SUV39H2: variants seen among roughly 807,000 people sequenced by gnomAD.
The protein encoded by SUV39H2 is SUV39H2 histone lysine methyltransferase, also known as histone-lysine N-methyltransferase SUV39H2.
Under a neutral mutation model 47.5 loss-of-function variants are expected in SUV39H2, and 10 were observed. That is an observed-to-expected ratio of 0.21 (90% CI 0.13 to 0.36). The LOEUF is 0.36. SUV39H2 is among the 10% of genes least tolerant of loss of function. The pLI is 1.00. For missense variants in SUV39H2, 266 were observed against 487.4 expected, an observed-to-expected ratio of 0.55 and a Z score of 4.28; for synonymous variants, 159 against 166.8, an observed-to-expected ratio of 0.95 and a Z score of 0.36.
chr10:14,900,060 A>G (rs1179847344), intron 4 of SUV39H2, among the ~76,000 whole-genome samples: 1 of 152,250 alleles, frequency 6.6e-6, no homozygotes, highest in Non-Finnish European at 1.5e-5. Flanking sequence ...ACTACATTTT[A>G]GGATGTACAA....
intron 2 of SUV39H2, among the ~76,000 whole-genome samples, chr10:14,889,850 C>T (rs1833331336): frequency 6.6e-6 from 1 of 152,162 alleles, no homozygotes; most frequent in African/African-American, 2.4e-5. Flanking sequence ...AGTCTCAATG[C>T]AAGGTGATTT....
At chr10:14,899,737 T>G in intron 4 of SUV39H2, 52 bp downstream of exon 4, 1 of 1,578,928 alleles carries the variant, frequency 6.3e-7, no homozygotes, top group Non-Finnish European at 8.6e-7. Context: ...AACCTAGTAC[T>G]AGTTTCCATA....
intron 2 of SUV39H2, among the ~76,000 whole-genome samples, chr10:14,882,941 C>T (rs1459095072): frequency 1.3e-5 from 2 of 151,472 alleles, no homozygotes; most frequent in African/African-American, 4.9e-5. Flanking sequence ...GATCTCAGCT[C>T]ACTGCAACCT....
At position 14,902,617 on chromosome 10, in the gene SUV39H2, T is replaced by A; in HGVS notation, c.*105T>A. 1.4e-6 allele frequency: 1 copy of A among 700,944 alleles called. No homozygotes were observed. The highest frequency in any genetic ancestry group is 2.2e-6 in the Non-Finnish European group (1 of 448,568). 43.4% of individuals were successfully genotyped at this position (700,944 alleles called of 1,614,324 possible). A position where few individuals can be genotyped will look rare whatever the true frequency, so the allele number is the denominator to read the frequency against. ...CTTATTATCAAGGTTCTACCTATGTTAATTTACAATTCATGTTTCAAGACA... is the reference window on the plus strand; with the variant it reads ...CTTATTATCAAGGTTCTACCTATGTAAATTTACAATTCATGTTTCAAGACA... On this transcript the variant is annotated 3_prime_UTR_variant, in exon 6 of 6. Transcript: ENST00000354919.
chr10:14,897,974 T>C (rs1833705570), intron 3 of SUV39H2: 1 of 152,076 alleles, frequency 6.6e-6, no homozygotes. Context: ...TTTTGTAAAA[T>C]ATACACAAGC....
intron 2 of SUV39H2, among the ~76,000 whole-genome samples, chr10:14,892,324 G>A (rs189726559): frequency 1.7e-3 from 259 of 152,268 alleles, no homozygotes; most frequent in Middle Eastern, 6.8e-3. Flanking sequence ...AAGAACCACC[G>A]GCCTACAATA....
intron 2 of SUV39H2, among the ~76,000 whole-genome samples, chr10:14,887,663 A>G (rs1564336288): frequency 6.6e-6 from 1 of 152,218 alleles, no homozygotes; most frequent in Non-Finnish European, 1.5e-5. Context: ...TTTACTGGCC[A>G]TCTACCATGT....
At chr10:14,890,989 A>G (rs1296081852) in intron 2 of SUV39H2, among the ~76,000 whole-genome samples, 2 of 152,216 alleles carry the variant, frequency 1.3e-5, no homozygotes, top group African/African-American at 4.8e-5. Flanking sequence ...AGCCTAAGAT[A>G]TGGTGGGCAG....
intron 2 of SUV39H2, among the ~76,000 whole-genome samples, chr10:14,889,707 G>C (rs187801222): frequency 5.2e-4 from 79 of 152,340 alleles, no homozygotes; most frequent in African/African-American, 1.7e-3. Flanking sequence ...CTTGAGCAAA[G>C]TGGAGGAGGT....
intron 2 of SUV39H2, 111 bp downstream of exon 2, chr10:14,881,756 T>C (rs1052723628): frequency 9.6e-5 from 97 of 1,008,960 alleles, no homozygotes; most frequent in Admixed American, 1.2e-4. Context: ...TGTTTAAAAT[T>C]CTAAGGCATG....
At chr10:14,889,628 A>G (rs1399541159) in intron 2 of SUV39H2, among the ~76,000 whole-genome samples, 3 of 152,106 alleles carry the variant, frequency 2.0e-5, no homozygotes, top group Admixed American at 6.5e-5. Flanking sequence ...GGTGGTTTCC[A>G]TTTTCTCTTT....
At chr10:14,891,251 A>G (rs1181787110) in intron 2 of SUV39H2, among the ~76,000 whole-genome samples, 1 of 152,204 alleles carries the variant, frequency 6.6e-6, no homozygotes, top group African/African-American at 2.4e-5. Flanking sequence ...AGGGGCATCA[A>G]AAGGCCTGGC....
intron 2 of SUV39H2, among the ~76,000 whole-genome samples, chr10:14,886,509 T>A (rs1395575694): frequency 6.6e-6 from 1 of 152,200 alleles, no homozygotes; most frequent in Admixed American, 6.5e-5. Context: ...GAACGGGTGT[T>A]TGGTCCATGG....
intron 2 of SUV39H2, among the ~76,000 whole-genome samples, chr10:14,892,259 A>G (rs1186028544): frequency 6.6e-6 from 1 of 152,204 alleles, no homozygotes; most frequent in Non-Finnish European, 1.5e-5. Context: ...AACAAGATGG[A>G]GTTAAATGTA....
In SUV39H2 at chr10:14,903,556, T is replaced by A. The variant is rs571289495; in HGVS notation, c.*1044T>A. The A allele has an allele frequency of 2.4e-4, 36 of 152,208 alleles. No individual in the cohort carries two copies. The highest frequency in any genetic ancestry group is 8.2e-4 in the African/African-American group (34 of 41,530). 9.4% of individuals were successfully genotyped at this position (152,208 alleles called of 1,614,324 possible). The stretch of plus-strand genomic sequence containing the variant: ...AACTGATACTTGTTTTATACATAAA[T>A]TTTTTTTAGATGTGATAAAGCTAAA... On this transcript the variant is annotated 3_prime_UTR_variant, in exon 6 of 6. Transcript: ENST00000354919.
chr10:14,897,798 A>C (rs1833691161), intron 3 of SUV39H2: 1 of 214,720 alleles, frequency 4.7e-6, no homozygotes, highest in Non-Finnish European at 9.1e-6. Flanking sequence ...AATTTAAAAT[A>C]TGACAACTGT....
At chr10:14,889,882 A>G (rs899378815) in intron 2 of SUV39H2, among the ~76,000 whole-genome samples, 1 of 152,342 alleles carries the variant, frequency 6.6e-6, no homozygotes, top group African/African-American at 2.4e-5. Flanking sequence ...TATTGTTGCT[A>G]CATCACCCCT....
At position 14,881,900 on chromosome 10, in the gene SUV39H2, G is replaced by T. The variant is rs563798582; in HGVS notation, c.177+255G>T. Among the ~76,000 whole-genome samples the T allele has an allele frequency of 9.2e-5, 14 of 152,250 alleles. No homozygotes were observed. In the South Asian group the frequency reaches 2.9e-3, roughly 32 times the overall value. On this transcript the variant is annotated intron_variant, in intron 2 of 5. Transcript: ENST00000354919. ...TCCAACTCTTGATTATCTCCGTGTG[G>T]GTTACCAGAGCAAATGTTTGATCTC...
At chr10:14,879,162 T>TGGAGCGTGGCCTCTCCGCCCGC in intron 1 of SUV39H2, 4 of 1,188,486 alleles carry the variant, frequency 3.4e-6, no homozygotes, top group Non-Finnish European at 4.2e-6. Flanking sequence ...ACTTCGGAAG[T>TGGAGCGTGGCCTCTCCGCCCGC]GGAGCGTGGC....
Sources: allele counts gnomAD v4.1 joint callset (sites outside exome capture counted in the v4.1 genomes callset), GRCh38; gene constraint gnomAD v4.1.1; transcripts MANE v1.5; gene names NCBI Gene and HGNC (gene_info 2026-07-23, HGNC 2026-07-21).